NUP214: variants seen among roughly 807,000 people sequenced by gnomAD.
NUP214 encodes the protein nuclear pore complex protein Nup214.
NUP214 carries 79 observed loss-of-function variants against 196.2 expected under a neutral mutation model. The ratio of observed to expected loss-of-function variants is 0.40; its 90% CI spans 0.34 to 0.49. The LOEUF is 0.49. Ranked by LOEUF, NUP214 falls within the 20% of genes least tolerant of loss-of-function variation. The pLI, the probability that NUP214 is intolerant of heterozygous loss-of-function variation, is 0.58. For missense variants in NUP214, 2,468 were observed against 2,539.0 expected (o/e 0.97, Z 0.60); for synonymous variants, 1,020 against 990.5 (o/e 1.03, Z -0.56).
At chr9:131,230,859 C>G (rs2131111587) in intron 34 of NUP214, 90 bp downstream of exon 34, 1 of 1,438,668 alleles carries the variant, frequency 7.0e-7, no homozygotes, top group African/African-American at 1.4e-5. Context: ...CCTGACCAGT[C>G]TGTTTAGTAT....
At chr9:131,199,820 G>A (rs1013460358) in intron 29 of NUP214, among the ~76,000 whole-genome samples, 2 of 152,236 alleles carry the variant, frequency 1.3e-5, no homozygotes, top group Admixed American at 6.5e-5. Context: ...TTCATTATTC[G>A]ATGATAACTT....
Position 131,144,499 on chromosome 9 carries a change from G to T in NUP214, c.1514G>T (p.Gly505Val). The T allele has an allele frequency of 6.2e-7, 1 of 1,614,078 alleles. No homozygotes were observed. The highest frequency in any genetic ancestry group is 8.5e-7 in the Non-Finnish European group (1 of 1,179,994). The change falls in exon 12 of 36, where the codon GGC becomes GTC. Residue 505 changes from glycine to valine, a missense_variant. Around this residue, in one of 5 missense-constraint regions of NUP214, gnomAD observed 1,801 missense variants for 1,779.4 expected, o/e 1.01. Coordinates refer to ENST00000359428, the MANE Select transcript of NUP214 (RefSeq NM_005085.4). ...GGGGAGCCCCCTTCATATTCCAGTG[G>T]CTCCGACAGCTCCAAAGCAGCCCCA... ...VTGEPPSYSS[G>V]SDSSKAAPGP...
chr9:131,162,728 C>G (rs2133554035), intron 18 of NUP214: 1 of 424,884 alleles, frequency 2.4e-6, no homozygotes, highest in East Asian at 4.9e-5. Flanking sequence ...CAGGGCCTCT[C>G]TCAGGTTTCA....
intron 21 of NUP214, among the ~76,000 whole-genome samples, chr9:131,168,057 T>C (rs1468361584): frequency 1.3e-5 from 2 of 152,206 alleles, no homozygotes; most frequent in East Asian, 1.9e-4. Context: ...GCCCAGATAA[T>C]TTTTTTAGTT....
At position 131,215,316 on chromosome 9, in the gene NUP214, C is replaced by CA; in HGVS notation, c.5702dup (p.Asn1901LysfsTer20). On this transcript the variant is annotated frameshift_variant, in exon 31 of 36. Transcript: ENST00000359428. LOFTEE classifies it high-confidence loss of function. Reference sequence around the variant, plus strand: ...GAAAACCCAGTCAGGATGCAGCCAACAAAAACCCATTCAGCTCGGCCAGTG... The same window carrying CA: ...GAAAACCCAGTCAGGATGCAGCCAACAAAAAACCCATTCAGCTCGGCCAGTG... 1 of 1,608,810 alleles carries CA rather than the reference C, an allele frequency of 6.2e-7. No homozygotes were observed.
chr9:131,139,255 CT>C (rs200377608), intron 9 of NUP214, 25 bp from the exon 10 acceptor site: 258,198 of 1,063,346 alleles, frequency 0.24, 42 homozygotes, highest in Non-Finnish European at 0.26. Flanking sequence ...TCTTCTTCTT[CT>C]TTTTTTTTTT....
At chr9:131,188,041 G>A (rs1303377983) in intron 25 of NUP214, among the ~76,000 whole-genome samples, 1 of 152,206 alleles carries the variant, frequency 6.6e-6, no homozygotes, top group Non-Finnish European at 1.5e-5. Flanking sequence ...TGTCTCACTG[G>A]TGAGGCAGCC....
chr9:131,211,453 G>C (rs1834238372), intron 30 of NUP214, among the ~76,000 whole-genome samples: 2 of 152,048 alleles, frequency 1.3e-5, no homozygotes, highest in African/African-American at 4.8e-5. Context: ...TTCAGTTGTT[G>C]AACAAAGCTG....
rs1564184694 is a variant in NUP214, at chr9:131,147,521, GC to G, written c.1980del (p.Ser661GlnfsTer9). ...CTGCTCAGGGCAGTTCAAGCCCAGT[GC>G]CCTCAATGGTACAGAAATCACCCAG... ...RSAQGSSSPV[P>X]SMVQKSPRIT... is the part of the protein sequence containing the mutation. On this transcript the variant is annotated frameshift_variant, in exon 14 of 36. Coordinates refer to ENST00000359428, the MANE Select transcript of NUP214 (RefSeq NM_005085.4). LOFTEE classifies it high-confidence loss of function. 6.2e-7 allele frequency: 1 copy of G among 1,614,096 alleles called. No homozygotes were observed. Among genetic ancestry groups the G allele is most frequent in the South Asian group, 1.1e-5 (1 of 91,074 alleles).
At chr9:131,139,593 T>C (rs1455890673) in intron 10 of NUP214, among the ~76,000 whole-genome samples, 186 bp downstream of exon 10, 1 of 152,220 alleles carries the variant, frequency 6.6e-6, no homozygotes, top group African/African-American at 2.4e-5. Flanking sequence ...TTTGAATGGA[T>C]GTTCGTTGAT....
rs1833862827 is a variant in NUP214 at position 131,198,695 on chromosome 9, A to G, written c.5201A>G (p.Gln1734Arg). The G allele has an allele frequency of 1.9e-6, 3 of 1,614,114 alleles. No individual in the cohort carries two copies. The highest frequency in any genetic ancestry group is 3.3e-5 in the Admixed American group (2 of 60,014). Reference sequence around the variant, plus strand: ...TTCGGGCAGGCCTCAGTCTTTGGGCAGTCGGCGAGCAGTGCTGCAAGTGTC... The same window carrying G: ...TTCGGGCAGGCCTCAGTCTTTGGGCGGTCGGCGAGCAGTGCTGCAAGTGTC... ...TTFGQASVFG[Q>R]SASSAASVFS... The change falls in exon 29 of 36, where the codon CAG (glutamine) becomes CGG (arginine). Residue 1734 changes from glutamine to arginine, a missense_variant. This residue lies in a region of NUP214 where 1,801 missense variants were observed against 1,779.4 expected (regional missense o/e 1.01). Transcript: ENST00000359428.
chr9:131,193,377 C>G (rs1388534720), intron 27 of NUP214, among the ~76,000 whole-genome samples: 2 of 152,056 alleles, frequency 1.3e-5, no homozygotes, highest in Non-Finnish European at 2.9e-5. Flanking sequence ...AGCATATTAA[C>G]CAGTCTCTTT....
At chr9:131,174,382 G>T (rs2130999898) in intron 22 of NUP214, 64 bp downstream of exon 22, 2 of 1,470,018 alleles carry the variant, frequency 1.4e-6, no homozygotes, top group South Asian at 2.4e-5. Context: ...TGACGGAATT[G>T]TAACTGGGTC....
intron 4 of NUP214, among the ~76,000 whole-genome samples, chr9:131,130,151 G>GTTTT (rs56836232): frequency 2.7e-5 from 3 of 109,200 alleles, no homozygotes; most frequent in Admixed American, 1.1e-4. Context: ...TTTTTTTTTT[G>GTTTT]TTTTTTTTTT....
intron 24 of NUP214, among the ~76,000 whole-genome samples, chr9:131,180,354 C>T (rs1833237887): frequency 6.6e-6 from 1 of 152,160 alleles, no homozygotes; most frequent in South Asian, 2.1e-4. Flanking sequence ...TGTTTACTGC[C>T]ACCCCTCCCC....
intron 30 of NUP214, among the ~76,000 whole-genome samples, chr9:131,202,693 T>C (rs1479784327): frequency 1.3e-5 from 2 of 152,002 alleles, no homozygotes; most frequent in Non-Finnish European, 2.9e-5. Flanking sequence ...CTGCCCGCCT[T>C]GGCCTCTCAA....
chr9:131,196,037 CCCG>C (rs201353127), intron 28 of NUP214, among the ~76,000 whole-genome samples: 1,711 of 38,794 alleles, frequency 0.044, 682 homozygotes, highest in Non-Finnish European at 0.095. Flanking sequence ...CCCCCCCCCC[CCCG>C]CGCCAAAAAA....
chr9:131,130,151 G>GTTTTTT lies in NUP214; in HGVS notation c.593-610_593-605dup, dbSNP rs56836232. ...TTTCTGGTTTTGTTTTTTTTTTTTT[G>GTTTTTT]TTTTTTTTTTGAGACAGAGTCTTGC... On this transcript the variant is annotated intron_variant, in intron 4 of 35. Transcript: ENST00000359428. Among the ~76,000 whole-genome samples the GTTTTTT allele has an allele frequency of 3.7e-5, 4 of 109,200 alleles. 2 individuals are homozygous for GTTTTTT. Among genetic ancestry groups the GTTTTTT allele is most frequent in the African/African-American group, 7.2e-5 (2 of 27,616 alleles). The allele number at this position is 109,200 out of a possible 152,430, so 71.6% of individuals were successfully genotyped here. A position where few individuals can be genotyped will look rare whatever the true frequency, so the allele number is the denominator to read the frequency against.
rs115545317 is a variant in NUP214 at position 131,188,001 on chromosome 9, G to A, written c.3495+637G>A. 2.3e-3 allele frequency among the ~76,000 whole-genome samples: 357 copies of A among 152,326 alleles called. 4 individuals are homozygous for A. Among genetic ancestry groups the A allele is most frequent in the African/African-American group, 8.1e-3 (336 of 41,562 alleles). On this transcript the variant is annotated intron_variant, in intron 25 of 35. Transcript: ENST00000359428. ...ATCTCAGTTAACCCATACAACAGCC[G>A]TGTACAGTGGGAGGATAGGTGTTTA...
Sources: allele counts gnomAD v4.1 joint callset (sites outside exome capture counted in the v4.1 genomes callset), GRCh38; gene constraint gnomAD v4.1.1; regional missense constraint gnomAD v4.1.1; transcripts MANE v1.5; gene names NCBI Gene and HGNC (gene_info 2026-07-23, HGNC 2026-07-21).